DST: variants seen among roughly 807,000 people sequenced by gnomAD.
DST encodes dystonin.
Under a neutral mutation model 875.2 loss-of-function variants are expected in DST, and 253 were observed. The observed-to-expected ratio is 0.29, with a 90% CI of 0.26 to 0.32. The LOEUF (loss-of-function observed/expected upper bound fraction) is 0.32. Among genes scored for constraint, DST ranks in the 10% least tolerant of loss-of-function variants. The pLI is 1.00. For missense variants in DST, 8,287 were observed against 9,111.6 expected, an observed-to-expected ratio of 0.91 and a Z score of 3.68; for synonymous variants, 3,124 against 3,197.1, an observed-to-expected ratio of 0.98 and a Z score of 0.77.
At chr6:56,547,774 T>G (rs2097254705) in intron 61 of DST, among the ~76,000 whole-genome samples, 1 of 152,224 alleles carries the variant, frequency 6.6e-6, no homozygotes, top group Non-Finnish European at 1.5e-5. Flanking sequence ...CTTGGCATTT[T>G]GGTTTACCGA....
In DST at chr6:56,606,708, G is replaced by A. The variant is rs763631440; in HGVS notation, c.7920C>T (p.Asp2640=). The A allele has an allele frequency of 6.2e-7, 1 of 1,613,532 alleles. No homozygotes were observed. The highest frequency in any genetic ancestry group is 8.5e-7 in the Non-Finnish European group (1 of 1,179,632). The change falls in exon 40 of 104, where the codon GAC becomes GAT. Residue 2640 remains aspartate (D), a synonymous_variant. Coordinates refer to ENST00000680361, the MANE Select transcript of DST (RefSeq NM_001374736.1). ...CATTTTCCTCTTGCAGTGTGTCGTA[G>A]TCCTCAGGGTGCAGGCAATCACGAT... The part of the protein sequence containing the change: ...GDDRDCLHPE[D]YDTLQEENDE...
intron 15 of DST, among the ~76,000 whole-genome samples, chr6:56,645,154 G>A (rs2098935045): frequency 6.6e-6 from 1 of 152,182 alleles, no homozygotes; most frequent in Non-Finnish European, 1.5e-5. Context: ...TTAGCAGCGT[G>A]AGAATGGACT....
At chr6:56,892,341 T>C (rs1009863070) in intron 3 of DST, among the ~76,000 whole-genome samples, 22 of 150,030 alleles carry the variant, frequency 1.5e-4, no homozygotes, top group Middle Eastern at 3.5e-3. Flanking sequence ...TTTTTTTTTT[T>C]CAGACAGTGT....
In DST at chr6:56,688,845, A is replaced by C. The variant is rs529762482; in HGVS notation, c.1047+10808T>G. On this transcript the variant is annotated intron_variant, in intron 9 of 103. Coordinates refer to ENST00000680361, the MANE Select transcript of DST (RefSeq NM_001374736.1). The stretch of plus-strand genomic sequence containing the variant: ...TGAGTGCCTAGTTTGGGTTCAATAC[A>C]TAATAAATGTTTCATAAAGAAATAA... Among the ~76,000 whole-genome samples, 22 of 152,346 alleles carry C rather than the reference A, an allele frequency of 1.4e-4. No homozygotes were observed. In the South Asian group the frequency reaches 4.3e-3, roughly 30 times the overall value.
chr6:56,614,926 A>G (rs2098597721), intron 36 of DST: 29 of 991,682 alleles, frequency 2.9e-5, no homozygotes, highest in Non-Finnish European at 3.5e-5. Flanking sequence ...CCCCTCCTCC[A>G]ACACATAATA....
intron 4 of DST, chr6:56,785,863 T>C: frequency 6.5e-6 from 1 of 153,896 alleles, no homozygotes; most frequent in Non-Finnish European, 1.4e-5. Context: ...TCTTGGCTCC[T>C]CCCCCTCTTC....
intron 48 of DST, 33 bp downstream of exon 48, chr6:56,593,630 G>A: frequency 6.9e-7 from 1 of 1,445,168 alleles, no homozygotes; most frequent in Non-Finnish European, 9.2e-7. Flanking sequence ...ATTGCAGATT[G>A]ACTTTTCCCT....
intron 59 of DST, 108 bp from the exon 60 acceptor site, chr6:56,555,948 T>C: frequency 8.4e-7 from 1 of 1,194,984 alleles, no homozygotes; most frequent in South Asian, 2.3e-5. Context: ...CCAGTTTTTG[T>C]TTTTTAGTTA....
rs1353350479 is a variant in DST, at chr6:56,486,145, C to T, written c.21048-674G>A. ...TTGGGAGGCCGAGGCGGGCGGATCA[C>T]GAGGTCAGGAGATCGAGACCATCCC... On this transcript the variant is annotated intron_variant, in intron 87 of 103. Coordinates refer to ENST00000680361, the MANE Select transcript of DST (RefSeq NM_001374736.1). 5.3e-5 allele frequency among the ~76,000 whole-genome samples: 8 copies of T among 151,882 alleles called. No homozygotes were observed. In the South Asian group the frequency reaches 1.0e-3, roughly 20 times the overall value.
At chr6:56,703,091 C>T (rs1442197846) in intron 7 of DST, among the ~76,000 whole-genome samples, 1 of 152,134 alleles carries the variant, frequency 6.6e-6, no homozygotes, top group African/African-American at 2.4e-5. Flanking sequence ...TTAAACAGCT[C>T]TGTGAGTTCT....
chr6:56,781,950 C>T (rs1046323305), intron 4 of DST, among the ~76,000 whole-genome samples: 11 of 152,128 alleles, frequency 7.2e-5, no homozygotes, highest in Admixed American at 6.5e-4. Flanking sequence ...TGAATTTTGT[C>T]AAAGGCCTTT....
intron 73 of DST, among the ~76,000 whole-genome samples, chr6:56,510,109 T>C (rs1426014963): frequency 6.6e-6 from 1 of 152,208 alleles, no homozygotes; most frequent in African/African-American, 2.4e-5. Flanking sequence ...TAGTTTCTTA[T>C]GAATATTTGA....
At chr6:56,566,337 G>A (rs755683298) in intron 55 of DST, among the ~76,000 whole-genome samples, 9 of 152,200 alleles carry the variant, frequency 5.9e-5, no homozygotes, top group Non-Finnish European at 1.0e-4. Context: ...GCAGGCACCC[G>A]AGGGAATCTC....
At chr6:56,875,495 G>A (rs548365289) in intron 3 of DST, among the ~76,000 whole-genome samples, 2 of 152,260 alleles carry the variant, frequency 1.3e-5, no homozygotes, top group South Asian at 2.1e-4. Context: ...AATTGCAACT[G>A]GGCAGTTGAA....
Position 56,605,620 on chromosome 6 carries a change from T to G in DST, c.9008A>C (p.Asp3003Ala). The G allele has an allele frequency of 6.2e-7, 1 of 1,613,024 alleles. No individual in the cohort carries two copies. The highest frequency in any genetic ancestry group is 8.5e-7 in the Non-Finnish European group (1 of 1,179,322). The change falls in exon 40 of 104, where the codon GAT (aspartate) becomes GCT (alanine). Residue 3003 changes from aspartate to alanine, a missense_variant. Around this residue, in one of 10 missense-constraint regions of DST, gnomAD observed 3,138 missense variants for 3,116.6 expected, o/e 1.01. Transcript: ENST00000680361. ...SLDHIICTEPDLIGKPAEESH... is the reference protein window; with the variant it reads ...SLDHIICTEPALIGKPAEESH... ...TTCCTCAGCAGGTTTTCCTATTAAATCAGGCTCAGTACAAATGATGTGATC... is the reference window on the plus strand; with the variant it reads ...TTCCTCAGCAGGTTTTCCTATTAAAGCAGGCTCAGTACAAATGATGTGATC...
intron 2 of DST, among the ~76,000 whole-genome samples, chr6:56,943,969 T>C (rs897265280): frequency 6.6e-6 from 1 of 151,686 alleles, no homozygotes; most frequent in African/African-American, 2.4e-5. Context: ...ATATAAAAAT[T>C]AGCTGGGCGT....
intron 3 of DST, among the ~76,000 whole-genome samples, chr6:56,867,721 G>A (rs926445587): frequency 2.6e-5 from 4 of 152,082 alleles, no homozygotes; most frequent in African/African-American, 9.7e-5. Flanking sequence ...CAGCTATTCG[G>A]GAGGCTGAGG....
intron 49 of DST, among the ~76,000 whole-genome samples, chr6:56,591,790 T>C (rs895227752): frequency 6.6e-6 from 1 of 151,900 alleles, no homozygotes; most frequent in African/African-American, 2.4e-5. Flanking sequence ...CCAGCCAACA[T>C]GGCGAAACCC....
At chr6:56,935,671 T>C (rs991742715) in intron 2 of DST, among the ~76,000 whole-genome samples, 1 of 152,218 alleles carries the variant, frequency 6.6e-6, no homozygotes, top group Non-Finnish European at 1.5e-5. Context: ...CTCACACCTG[T>C]AATCCCAGCA....
Sources: gnomAD v4.1 joint callset for allele counts (sites outside exome capture counted in the v4.1 genomes callset) on GRCh38, gnomAD v4.1.1 for gene constraint, gnomAD v4.1.1 regional missense constraint, MANE v1.5 for transcripts, NCBI Gene and HGNC (gene_info 2026-07-23, HGNC 2026-07-21) for gene names.